The following SPRY3 variants were observed in gnomAD, a reference collection of about 807,000 sequenced individuals.
SPRY3 encodes sprouty RTK signaling antagonist 3, also known as protein sprouty homolog 3.
A neutral mutation model predicts 20.2 loss-of-function variants in SPRY3; 15 were observed. The ratio of observed to expected loss-of-function variants is 0.74; its 90% CI spans 0.50 to 1.14. SPRY3 has a LOEUF of 1.14. Ranked by LOEUF, SPRY3 falls within the 50% of genes most tolerant of loss-of-function variation. SPRY3 has a pLI of 0.00. For missense variants in SPRY3, 364 were observed against 363.9 expected, an observed-to-expected ratio of 1.00 and a Z score of 0.00; for synonymous variants, 143 against 136.5, an observed-to-expected ratio of 1.05 and a Z score of -0.33.
intron 2 of SPRY3, among the ~76,000 whole-genome samples, chrX:155,745,352 C>T (rs1484746220): frequency 6.6e-6 from 1 of 151,938 alleles, no homozygotes; most frequent in African/African-American, 2.4e-5. Flanking sequence ...TATTGAGGAG[C>T]CCATAAGGCT....
chrX:155,707,101 G>A (rs2090957010), intron 2 of SPRY3, among the ~76,000 whole-genome samples: 1 of 150,914 alleles, frequency 6.6e-6, no homozygotes, highest in African/African-American at 2.4e-5. Context: ...GATTTGCAAT[G>A]TTTCTTCATT....
chrX:155,778,207 A>G (rs1477340350), downstream of SPRY3: 1 of 167,060 alleles, frequency 6.0e-6, no homozygotes, highest in Non-Finnish European at 1.5e-5. Flanking sequence ...GCTGGAGCAC[A>G]GTGTAAACCA....
chrX:155,635,378 T>G (rs1557350900), intron 1 of SPRY3, among the ~76,000 whole-genome samples: 1 of 111,525 alleles, frequency 9.0e-6, no homozygotes, highest in Non-Finnish European at 1.9e-5. Context: ...GTAGAATGAT[T>G]TATATTCCAT....
chrX:155,716,972 A>G (rs1311339570), intron 2 of SPRY3, among the ~76,000 whole-genome samples: 1 of 92,504 alleles, frequency 1.1e-5, no homozygotes. Flanking sequence ...TGTTTCCACT[A>G]AAATACAAAA....
intron 2 of SPRY3, among the ~76,000 whole-genome samples, chrX:155,765,576 C>T (rs1261558482): frequency 1.3e-5 from 2 of 152,144 alleles, no homozygotes; most frequent in Non-Finnish European, 2.9e-5. Context: ...TAGTGAGTGG[C>T]CCATAGCAGG....
At chrX:155,768,354 T>A (rs1228613770) in intron 3 of SPRY3, among the ~76,000 whole-genome samples, 1 of 152,204 alleles carries the variant, frequency 6.6e-6, no homozygotes, top group African/African-American at 2.4e-5. Context: ...ATTGGAAATG[T>A]GTAAATCCAA....
At chrX:155,778,858 C>G (rs1330067559), downstream of SPRY3, 4 of 166,922 alleles carry the variant, frequency 2.4e-5, no homozygotes, top group Non-Finnish European at 5.9e-5. Context: ...TACCAGAGTT[C>G]CTAATTTCCA....
exon 4 of SPRY3, chrX:155,774,358 C>T: frequency 6.2e-7 from 1 of 1,614,010 alleles, no homozygotes; most frequent in Non-Finnish European, 8.5e-7. Context: ...AGCAGCTCGC[C>T]CTCTCCCCTC....
At position 155,679,773 on chromosome X, in the gene SPRY3, G is replaced by T. The variant is rs73562831; in HGVS notation, c.-282+22748G>T. 3.8e-3 allele frequency among the ~76,000 whole-genome samples: 422 copies of T among 111,773 alleles called. 2 individuals carry two copies. The highest frequency in any genetic ancestry group is 0.013 in the African/African-American group (411 of 30,797). ...AAATGAAAAATACAGAGAGCTATGAGAACATATAAACCTGATCTTATCTGA... is the reference window on the plus strand; with the variant it reads ...AAATGAAAAATACAGAGAGCTATGATAACATATAAACCTGATCTTATCTGA... On this transcript the variant is annotated intron_variant, in intron 2 of 3. Transcript: ENST00000675360.
intron 2 of SPRY3, among the ~76,000 whole-genome samples, chrX:155,680,158 G>GTGTGTGTGTGTT (rs2068069742): frequency 9.7e-6 from 1 of 102,902 alleles, no homozygotes; most frequent in South Asian, 4.7e-4. Flanking sequence ...GTGTGTGTGT[G>GTGTGTGTGTGTT]TGTGTGTGTG....
At chrX:155,659,976 A>G (rs1407311097) in intron 2 of SPRY3, among the ~76,000 whole-genome samples, 2 of 111,782 alleles carry the variant, frequency 1.8e-5, no homozygotes, top group Admixed American at 1.9e-4. Context: ...TTAAAGAACC[A>G]ACTTTTAATT....
intron 2 of SPRY3, among the ~76,000 whole-genome samples, chrX:155,723,920 CTAACATT>C: frequency 6.6e-6 from 1 of 152,246 alleles, no homozygotes; most frequent in Admixed American, 6.5e-5. Context: ...GGTTTTAGGT[CTAACATT>C]TAAGTCTTTA....
In SPRY3 at chrX:155,664,406, A is replaced by T. The variant is rs1020476193; in HGVS notation, c.-282+7381A>T. ...ATAAAATTGAAAATAGGTAATAATG[A>T]TCATGACTATTTTGAGGAATAAGCA... is the stretch of plus-strand genomic sequence containing the variant. On this transcript the variant is annotated intron_variant, in intron 2 of 3. Transcript: ENST00000675360. 1.1e-4 allele frequency among the ~76,000 whole-genome samples: 12 copies of T among 109,428 alleles called. No individual in the cohort carries two copies. The Admixed American group carries it at 1.2e-3, about 11-fold the overall frequency.
intron 3 of SPRY3, among the ~76,000 whole-genome samples, chrX:155,771,808 A>G (rs1021147979): frequency 2.6e-5 from 4 of 152,346 alleles, no homozygotes; most frequent in Non-Finnish European, 4.4e-5. Flanking sequence ...AAGGAAACAT[A>G]CATTTTGCTT....
At chrX:155,686,997 G>A (rs991877354) in intron 2 of SPRY3, among the ~76,000 whole-genome samples, 2 of 112,639 alleles carry the variant, frequency 1.8e-5, no homozygotes, top group African/African-American at 6.4e-5. Flanking sequence ...GGGGCTGCCA[G>A]AACAAAAAAA....
chrX:155,673,250 TA>T (rs1196366881), intron 2 of SPRY3, among the ~76,000 whole-genome samples: 181 of 103,769 alleles, frequency 1.7e-3, no homozygotes, highest in African/African-American at 5.0e-3. Flanking sequence ...TATAACATGT[TA>T]AAAAAAAAAA....
chrX:155,661,966 G>C (rs782451553), intron 2 of SPRY3, among the ~76,000 whole-genome samples: 6 of 111,673 alleles, frequency 5.4e-5, no homozygotes, highest in Admixed American at 2.8e-4. Context: ...ATTTCTTTCT[G>C]TTCTTTTCAA....
chrX:155,755,084 A>C (rs967132784), intron 2 of SPRY3, among the ~76,000 whole-genome samples: 1 of 141,954 alleles, frequency 7.0e-6, no homozygotes, highest in Non-Finnish European at 1.5e-5. Flanking sequence ...ACACACACAC[A>C]CCCTGTAGGC....
At chrX:155,658,405 C>T (rs989635234) in intron 2 of SPRY3, among the ~76,000 whole-genome samples, 1 of 111,691 alleles carries the variant, frequency 9.0e-6, no homozygotes, top group African/African-American at 3.3e-5. Context: ...GTTTTACCTC[C>T]TTGATTAAAT....
Sources: gnomAD v4.1 joint callset for allele counts (sites outside exome capture counted in the v4.1 genomes callset) on GRCh38, gnomAD v4.1.1 for gene constraint, MANE v1.5 for transcripts, NCBI Gene and HGNC (gene_info 2026-07-23, HGNC 2026-07-21) for gene names.